SUGP1: variants seen among roughly 807,000 people sequenced by gnomAD.
SUGP1 encodes SURP and G-patch domain containing 1, also known as SURP and G-patch domain-containing protein 1.
A neutral mutation model predicts 76.5 loss-of-function variants in SUGP1; 34 were observed. The ratio of observed to expected loss-of-function variants is 0.44; its 90% CI spans 0.34 to 0.59. SUGP1 has a LOEUF of 0.59. SUGP1 is among the 20% of genes least tolerant of loss of function. The pLI is 0.01. For missense variants in SUGP1, 752 were observed against 851.7 expected (o/e 0.88, Z 1.46); for synonymous variants, 326 against 326.2 (o/e 1.00, Z 0.01).
At chr19:19,317,157 G>C (rs2061400509) in intron 1 of SUGP1, among the ~76,000 whole-genome samples, 1 of 150,152 alleles carries the variant, frequency 6.7e-6, no homozygotes, top group Admixed American at 6.7e-5. Context: ...AAAAAAGTAA[G>C]TGCACAATGT....
rs763390042 is a variant in SUGP1, at chr19:19,280,156, T to C, written c.1350+29A>G. On this transcript the variant is annotated intron_variant, in intron 9 of 13. Coordinates refer to ENST00000247001, the MANE Select transcript of SUGP1 (RefSeq NM_172231.4). ...CAACACTCTATGGGCGCCGACCATG[T>C]CCCCGTCCCCTTGTCCCCGCAGTCT... 7.5e-6 allele frequency: 12 copies of C among 1,604,220 alleles called. No individual in the cohort carries two copies. The South Asian group carries it at 1.3e-4, about 18-fold the overall frequency.
At chr19:19,279,838 C>T (rs964771025) in intron 9 of SUGP1, among the ~76,000 whole-genome samples, 4 of 152,290 alleles carry the variant, frequency 2.6e-5, no homozygotes, top group East Asian at 1.9e-4. Context: ...CAGAGGACTG[C>T]GGACAAAGAA....
chr19:19,276,217 A>T lies in SUGP1; in HGVS notation c.*431T>A, dbSNP rs1445974063. 5.8e-6 allele frequency: 1 copy of T among 172,858 alleles called. No individual in the cohort carries two copies. Among genetic ancestry groups the T allele is most frequent in the Non-Finnish European group, 1.2e-5 (1 of 80,064 alleles). 10.7% of individuals were successfully genotyped at this position (172,858 alleles called of 1,614,324 possible). On this transcript the variant is annotated 3_prime_UTR_variant, in exon 14 of 14. Transcript: ENST00000247001. ...CAGGTGTGCACCACCATGCCCAGCT[A>T]ATTTTATATTTTTAGTAGAGACAGG...
At chr19:19,312,706 G>C (rs975165943) in intron 2 of SUGP1, among the ~76,000 whole-genome samples, 6 of 152,188 alleles carry the variant, frequency 3.9e-5, no homozygotes, top group Admixed American at 6.6e-5. Flanking sequence ...GGAAAAACAA[G>C]GCCAGGCGCG....
chr19:19,313,022 A>T (rs186433776), intron 2 of SUGP1, among the ~76,000 whole-genome samples: 63 of 150,872 alleles, frequency 4.2e-4, no homozygotes, highest in African/African-American at 1.3e-3. Context: ...ATAAATAAAT[A>T]AAAAAAAACA....
At chr19:19,318,104 C>T (rs2061407844) in intron 1 of SUGP1, among the ~76,000 whole-genome samples, 1 of 127,286 alleles carries the variant, frequency 7.9e-6, no homozygotes, top group African/African-American at 3.3e-5. Context: ...AGCCACCGAA[C>T]CCAGCCTTCT....
intron 8 of SUGP1, among the ~76,000 whole-genome samples, chr19:19,286,354 C>T (rs139151950): frequency 6.6e-6 from 1 of 152,266 alleles, no homozygotes; most frequent in African/African-American, 2.4e-5. Flanking sequence ...ATTATCAAAG[C>T]TACGGAAGAG....
At chr19:19,305,413 C>T (rs534676071) in intron 4 of SUGP1, among the ~76,000 whole-genome samples, 1 of 152,354 alleles carries the variant, frequency 6.6e-6, no homozygotes, top group East Asian at 1.9e-4. Flanking sequence ...CTCCAACCTG[C>T]AGCTCATACC....
rs545577436 is a variant in SUGP1, at chr19:19,290,384, C to T, written c.1243+6605G>A. 2.6e-4 allele frequency among the ~76,000 whole-genome samples: 40 copies of T among 152,312 alleles called. No individual in the cohort carries two copies. In the South Asian group the frequency reaches 8.1e-3, roughly 31 times the overall value. On this transcript the variant is annotated intron_variant, in intron 8 of 13. Transcript: ENST00000247001. Reference sequence around the variant, plus strand: ...GCTAAGTCAGGCACGGTGGCTCACACCTGTAATCCCAGCACTTGGGAGGCG... The same window carrying T: ...GCTAAGTCAGGCACGGTGGCTCACATCTGTAATCCCAGCACTTGGGAGGCG...
intron 8 of SUGP1, among the ~76,000 whole-genome samples, chr19:19,293,874 T>C (rs986280663): frequency 6.6e-6 from 1 of 152,092 alleles, no homozygotes; most frequent in Non-Finnish European, 1.5e-5. Context: ...CAAACTTAAA[T>C]GTGGAAAACC....
Position 19,310,174 on chromosome 19 carries a change from C to A in SUGP1, c.233G>T (p.Cys78Phe). ...ATCGTTGGCAAACTTGTTGGAAATG[C>A]AGGAAGAGTTGTGTGCATTTGTGAT... ...GEITNAHNSSCISNKFANDGS... is the reference protein window; with the variant it reads ...GEITNAHNSSFISNKFANDGS... Residue 78 changes from cysteine to phenylalanine, a missense_variant, in exon 3 of 14, where the codon TGC (cysteine) becomes TTC (phenylalanine). Around this residue, in one of 2 missense-constraint regions of SUGP1, gnomAD observed 620 missense variants for 617.3 expected, o/e 1.00. Transcript: ENST00000247001. The A allele has an allele frequency of 1.2e-6, 2 of 1,613,586 alleles. No homozygotes were observed. Among genetic ancestry groups the A allele is most frequent in the Non-Finnish European group, 1.7e-6 (2 of 1,179,630 alleles).
chr19:19,306,163 G>T, intron 3 of SUGP1, 87 bp from the exon 4 acceptor site: 1 of 1,303,266 alleles, frequency 7.7e-7, no homozygotes. Context: ...GTGGGCCCCG[G>T]GGGAGCTGGG....
At chr19:19,298,157 C>T (rs898754380) in intron 7 of SUGP1, among the ~76,000 whole-genome samples, 27 of 152,188 alleles carry the variant, frequency 1.8e-4, no homozygotes, top group Non-Finnish European at 3.2e-4. Context: ...AGCACCAAGG[C>T]GTGCAACTAA....
intron 8 of SUGP1, among the ~76,000 whole-genome samples, chr19:19,287,725 G>A (rs1568621691): frequency 6.6e-6 from 1 of 152,176 alleles, no homozygotes; most frequent in Non-Finnish European, 1.5e-5. Context: ...TGACAATCTG[G>A]TAGGAGGATT....
intron 8 of SUGP1, among the ~76,000 whole-genome samples, chr19:19,292,439 C>A (rs149497268): frequency 6.6e-6 from 1 of 151,586 alleles, no homozygotes; most frequent in South Asian, 2.1e-4. Flanking sequence ...TGGTGGCTCA[C>A]GCCTGTAATC....
Position 19,306,039 on chromosome 19 carries a change from T to TGTGCTGGGAGGGGCGCTGGGC in SUGP1, c.327_347dup (p.Ser111_Pro117dup). ...ACCTCTTCCCAGCGCTGGGGGTGGG[T>TGTGCTGGGAGGGGCGCTGGGC]GTGCTGGGAGGGGCGCTGGGCGCAC... is the stretch of plus-strand genomic sequence containing the variant. On this transcript the variant is annotated inframe_insertion, in exon 4 of 14. Transcript: ENST00000247001. 1 of 1,609,552 alleles carries TGTGCTGGGAGGGGCGCTGGGC rather than the reference T, an allele frequency of 6.2e-7. No homozygotes were observed. Among genetic ancestry groups the TGTGCTGGGAGGGGCGCTGGGC allele is most frequent in the Non-Finnish European group, 8.5e-7 (1 of 1,178,332 alleles).
At chr19:19,291,290 A>G (rs2061181152) in intron 8 of SUGP1, among the ~76,000 whole-genome samples, 1 of 152,182 alleles carries the variant, frequency 6.6e-6, no homozygotes, top group African/African-American at 2.4e-5. Context: ...AATGGAGAAA[A>G]ATCTATGAAA....
chr19:19,301,995 C>A, intron 7 of SUGP1: 1 of 485,824 alleles, frequency 2.1e-6, no homozygotes, highest in Non-Finnish European at 3.7e-6. Context: ...TGGGCAAGTG[C>A]TAGAGACTTT....
At chr19:19,279,423 C>T (rs747957669) in intron 9 of SUGP1, 33 bp from the exon 10 acceptor site, 32 of 1,563,968 alleles carry the variant, frequency 2.0e-5, no homozygotes, top group Middle Eastern at 2.3e-4. Context: ...AGCCAGGGCA[C>T]GGTGCTGTGG....
Sources: gnomAD v4.1 joint callset for allele counts (sites outside exome capture counted in the v4.1 genomes callset) on GRCh38, gnomAD v4.1.1 for gene constraint, gnomAD v4.1.1 regional missense constraint, MANE v1.5 for transcripts, NCBI Gene and HGNC (gene_info 2026-07-23, HGNC 2026-07-21) for gene names.